CLEC4C: variants seen among roughly 807,000 people sequenced by gnomAD.
CLEC4C encodes C-type (calcium dependent, carbohydrate-recognition domain) lectin, superfamily member 11.
A neutral mutation model predicts 27.7 loss-of-function variants in CLEC4C; 17 were observed. That is an observed-to-expected ratio of 0.61 (90% CI 0.42 to 0.92). The LOEUF is 0.92. Ranked by LOEUF, CLEC4C falls within the 40% of genes least tolerant of loss-of-function variation. CLEC4C has a pLI of 0.00. For synonymous variants in CLEC4C, 80 were observed against 80.8 expected, an observed-to-expected ratio of 0.99 and a Z score of 0.06; for missense variants, 244 against 257.3, an observed-to-expected ratio of 0.95 and a Z score of 0.35.
chr12:7,732,267 T>C (rs2120365349), intron 4 of CLEC4C, among the ~76,000 whole-genome samples: 1 of 152,082 alleles, frequency 6.6e-6, no homozygotes, highest in Admixed American at 6.6e-5. Flanking sequence ...TGACCTCAGT[T>C]GATTTGCCTG....
At chr12:7,747,612 A>T, upstream of CLEC4C, 1 of 302,812 alleles carries the variant, frequency 3.3e-6, no homozygotes. Flanking sequence ...AAAACAGTTC[A>T]TGGTTGCAGG....
chr12:7,729,627 G>A lies in CLEC4C; in HGVS notation c.611C>T (p.Ser204Leu). ...GTAGATCTTCTTCATCTTGCAAATTGACTTCTGAGGTACATGACAGTGAAT... is the reference window on the plus strand; with the variant it reads ...GTAGATCTTCTTCATCTTGCAAATTAACTTCTGAGGTACATGACAGTGAAT... Reference protein sequence around the residue: ...NDIHCHVPQKSICKMKKIYI With the variant: ...NDIHCHVPQKLICKMKKIYI Residue 204 changes from serine (S) to leucine (L), a missense_variant, in exon 6 of 6, where the codon TCA (serine) becomes TTA (leucine). Coordinates refer to ENST00000360345, the MANE Select transcript of CLEC4C (RefSeq NM_001371390.1). 1 of 1,613,296 alleles carries A rather than the reference G, an allele frequency of 6.2e-7. No homozygotes were observed.
At chr12:7,733,582 C>T (rs1362919344) in intron 4 of CLEC4C, among the ~76,000 whole-genome samples, 1 of 148,342 alleles carries the variant, frequency 6.7e-6, no homozygotes, top group Non-Finnish European at 1.5e-5. Flanking sequence ...CCTGGGTTCA[C>T]GCCATTCTCC....
At chr12:7,747,766 C>T (rs946504344), upstream of CLEC4C, among the ~76,000 whole-genome samples, 24 of 150,602 alleles carry the variant, frequency 1.6e-4, no homozygotes, top group African/African-American at 4.6e-4. Flanking sequence ...CTCAGCCTCC[C>T]GAGCAGCTGG....
chr12:7,742,300 G>T (rs1179720141), intron 2 of CLEC4C, among the ~76,000 whole-genome samples: 1 of 152,040 alleles, frequency 6.6e-6, no homozygotes, highest in Non-Finnish European at 1.5e-5. Flanking sequence ...ATCACCTGAG[G>T]TCAGGAGTTC....
rs114961555 is a variant in CLEC4C at position 7,733,341 on chromosome 12, G to A, written c.382-2429C>T. Among the ~76,000 whole-genome samples, 1,500 of 151,346 alleles carry A rather than the reference G, an allele frequency of 9.9e-3. 48 individuals carry two copies. Among genetic ancestry groups the A allele is most frequent in the African/African-American group, 0.033 (1,375 of 41,052 alleles). The stretch of plus-strand genomic sequence containing the variant: ...TGCAATGGTGTGATCTCGGCTCAGG[G>A]CAACCTTTGCTTTCTGGGTTCAAGC... On this transcript the variant is annotated intron_variant, in intron 4 of 5. Transcript: ENST00000360345.
intron 4 of CLEC4C, among the ~76,000 whole-genome samples, chr12:7,735,364 G>A (rs767682424): frequency 1.3e-4 from 20 of 151,698 alleles, no homozygotes; most frequent in African/African-American, 4.1e-4. Flanking sequence ...TTAGCTGGGC[G>A]TGGTTGCAGG....
upstream of CLEC4C, among the ~76,000 whole-genome samples, chr12:7,748,219 T>C (rs1362708225): frequency 6.6e-6 from 1 of 152,094 alleles, no homozygotes; most frequent in Non-Finnish European, 1.5e-5. Context: ...TGAGATTTAA[T>C]TGTAGAGTAG....
intron 4 of CLEC4C, among the ~76,000 whole-genome samples, chr12:7,733,412 TGCCACCACACCTG>T (rs1864644805): frequency 3.3e-5 from 5 of 151,042 alleles, no homozygotes; most frequent in Admixed American, 3.3e-4. Flanking sequence ...TACAGGTGTA[TGCCACCACACCTG>T]GCTAATTTTT....
chr12:7,737,414 C>A lies in CLEC4C; in HGVS notation c.381+15G>T. 1 of 1,591,430 alleles carries A rather than the reference C, an allele frequency of 6.3e-7. No homozygotes were observed. Among genetic ancestry groups the A allele is most frequent in the African/African-American group, 1.4e-5 (1 of 74,048 alleles). Reference sequence around the variant, plus strand: ...GGAAACAGATTAGCTGACCACCTTGCCTGTTAGAACATACCTGTTCTTCCC... The same window carrying A: ...GGAAACAGATTAGCTGACCACCTTGACTGTTAGAACATACCTGTTCTTCCC... On this transcript the variant is annotated intron_variant, in intron 4 of 5. Coordinates refer to ENST00000360345, the MANE Select transcript of CLEC4C (RefSeq NM_001371390.1).
At chr12:7,734,260 G>A (rs1025740590) in intron 4 of CLEC4C, among the ~76,000 whole-genome samples, 1 of 152,114 alleles carries the variant, frequency 6.6e-6, no homozygotes, top group African/African-American at 2.4e-5. Context: ...TGTGGCATAA[G>A]AAGTCAAAAC....
At chr12:7,731,553 T>C (rs907201702) in intron 4 of CLEC4C, among the ~76,000 whole-genome samples, 1 of 152,042 alleles carries the variant, frequency 6.6e-6, no homozygotes, top group African/African-American at 2.4e-5. Flanking sequence ...CTTACCGCCA[T>C]AGGAAGAAAA....
intron 4 of CLEC4C, among the ~76,000 whole-genome samples, chr12:7,735,757 C>T (rs1320572757): frequency 3.3e-5 from 5 of 150,642 alleles, no homozygotes; most frequent in East Asian, 3.9e-4. Context: ...GAGCTGAGAT[C>T]GAGCCACTGC....
intron 3 of CLEC4C, 103 bp from the exon 4 acceptor site, chr12:7,737,677 G>T: frequency 9.2e-7 from 1 of 1,090,158 alleles, no homozygotes; most frequent in Non-Finnish European, 1.3e-6. Context: ...TTCACCTATG[G>T]ATCTCCACGG....
intron 3 of CLEC4C, among the ~76,000 whole-genome samples, chr12:7,737,978 G>T (rs759063679): frequency 6.6e-6 from 1 of 152,052 alleles, no homozygotes; most frequent in Non-Finnish European, 1.5e-5. Flanking sequence ...TCCAGGCCCT[G>T]CTTTAAACCC....
Position 7,730,597 on chromosome 12 carries a change from A to G in CLEC4C, c.497+200T>C, listed in dbSNP as rs148964395. Among the ~76,000 whole-genome samples, 686 of 151,422 alleles carry G rather than the reference A, an allele frequency of 4.5e-3. 28 individuals carry two copies. In the South Asian group the frequency reaches 0.06, roughly 13 times the overall value. ...AGAGGTTGCAGTGAGCCAAGATCAT[A>G]CCACTGCACTCTAGCCTGGGTGATG... On this transcript the variant is annotated intron_variant, in intron 5 of 5. Transcript: ENST00000360345.
At chr12:7,734,846 C>A (rs1167766948) in intron 4 of CLEC4C, among the ~76,000 whole-genome samples, 4 of 152,156 alleles carry the variant, frequency 2.6e-5, no homozygotes, top group Non-Finnish European at 4.4e-5. Flanking sequence ...CCGTGCCTGG[C>A]CTCCAATTAT....
intron 2 of CLEC4C, among the ~76,000 whole-genome samples, chr12:7,744,396 C>T (rs1864926509): frequency 2.6e-5 from 4 of 152,166 alleles, no homozygotes; most frequent in Admixed American, 2.6e-4. Flanking sequence ...TTTTACTTGA[C>T]ATAGGAAGTC....
intron 2 of CLEC4C, among the ~76,000 whole-genome samples, chr12:7,743,052 A>G (rs1243509179): frequency 2.6e-5 from 4 of 152,184 alleles, no homozygotes; most frequent in African/African-American, 9.6e-5. Flanking sequence ...AATAACATAC[A>G]GTCTAGTGAA....
Sources: gnomAD v4.1 joint callset for allele counts (sites outside exome capture counted in the v4.1 genomes callset) on GRCh38, gnomAD v4.1.1 for gene constraint, MANE v1.5 for transcripts, NCBI Gene and HGNC (gene_info 2026-07-23, HGNC 2026-07-21) for gene names.